The following ST8SIA1 variants were observed in gnomAD, a reference collection of about 807,000 sequenced individuals.
ST8SIA1 encodes the protein alpha-N-acetylneuraminide alpha-2,8-sialyltransferase.
A neutral mutation model predicts 35.9 loss-of-function variants in ST8SIA1; 16 were observed. That is an observed-to-expected ratio of 0.45 (90% CI 0.30 to 0.68). The LOEUF (loss-of-function observed/expected upper bound fraction) is 0.68. ST8SIA1 is among the 30% of genes least tolerant of loss of function. ST8SIA1 has a pLI of 0.09. For synonymous variants in ST8SIA1, 170 were observed against 169.6 expected (o/e 1.00, Z -0.02); for missense variants, 383 against 453.6 (o/e 0.84, Z 1.41).
intron 1 of ST8SIA1, among the ~76,000 whole-genome samples, chr12:22,307,749 C>T (rs1223164651): frequency 6.6e-6 from 1 of 152,100 alleles, no homozygotes; most frequent in African/African-American, 2.4e-5. Flanking sequence ...CTGCTATTTT[C>T]TTCTCTTCCA....
intron 4 of ST8SIA1, among the ~76,000 whole-genome samples, chr12:22,208,495 C>G (rs1490248148): frequency 6.6e-6 from 1 of 151,934 alleles, no homozygotes; most frequent in Non-Finnish European, 1.5e-5. Flanking sequence ...TTGAAATAAG[C>G]CTAAAAATAA....
At chr12:22,208,069 G>A (rs1029985500) in intron 4 of ST8SIA1, among the ~76,000 whole-genome samples, 6 of 151,592 alleles carry the variant, frequency 4.0e-5, no homozygotes, top group Middle Eastern at 3.2e-3. Context: ...GAACCCAGGA[G>A]GTGGAGGTTG....
intron 4 of ST8SIA1, among the ~76,000 whole-genome samples, chr12:22,222,379 G>T (rs371125136): frequency 1.3e-5 from 2 of 152,154 alleles, no homozygotes; most frequent in African/African-American, 4.8e-5. Flanking sequence ...TGCTCTACTC[G>T]AGTATTTTTA....
intron 4 of ST8SIA1, among the ~76,000 whole-genome samples, chr12:22,216,721 T>C (rs1865237202): frequency 6.6e-6 from 1 of 152,196 alleles, no homozygotes; most frequent in Non-Finnish European, 1.5e-5. Flanking sequence ...ATGCTATGCC[T>C]GACATAATGC....
chr12:22,244,801 A>G (rs1035743282), intron 4 of ST8SIA1, among the ~76,000 whole-genome samples: 1 of 152,188 alleles, frequency 6.6e-6, no homozygotes, highest in African/African-American at 2.4e-5. Context: ...GGTATAAGTT[A>G]TGAGGTAGAG....
chr12:22,318,926 C>T (rs922180721), intron 1 of ST8SIA1, among the ~76,000 whole-genome samples: 1 of 152,098 alleles, frequency 6.6e-6, no homozygotes, highest in African/African-American at 2.4e-5. Flanking sequence ...ACTATGTAAC[C>T]CTAACCAAGG....
intron 4 of ST8SIA1, among the ~76,000 whole-genome samples, chr12:22,235,235 T>C (rs1178283193): frequency 3.3e-5 from 5 of 152,220 alleles, no homozygotes; most frequent in Non-Finnish European, 7.3e-5. Flanking sequence ...CAGATATGTT[T>C]TTATAATTCC....
At chr12:22,246,633 A>C (rs1322737764) in intron 4 of ST8SIA1, among the ~76,000 whole-genome samples, 1 of 151,730 alleles carries the variant, frequency 6.6e-6, no homozygotes, top group Non-Finnish European at 1.5e-5. Flanking sequence ...TAGTGTGAGA[A>C]CAGAGGAAAA....
intron 1 of ST8SIA1, among the ~76,000 whole-genome samples, chr12:22,296,627 A>G (rs1364262840): frequency 1.3e-5 from 2 of 152,184 alleles, no homozygotes; most frequent in Non-Finnish European, 1.5e-5. Flanking sequence ...ATCTTTATGA[A>G]TAAAATTCTG....
Position 22,234,216 on chromosome 12 carries a change from C to T in ST8SIA1, c.584+14790G>A, listed in dbSNP as rs974412746. ...CAGAGGTTACAGTGAGCTGAGATCGCACCACTGCACTCCAGCCTGAGTGAC... is the reference window on the plus strand; with the variant it reads ...CAGAGGTTACAGTGAGCTGAGATCGTACCACTGCACTCCAGCCTGAGTGAC... On this transcript the variant is annotated intron_variant, in intron 4 of 4. Transcript: ENST00000396037. 4.0e-5 allele frequency among the ~76,000 whole-genome samples: 6 copies of T among 149,906 alleles called. 1 individual carries two copies. In the South Asian group the frequency reaches 1.3e-3, roughly 32 times the overall value.
intron 2 of ST8SIA1, among the ~76,000 whole-genome samples, chr12:22,256,926 T>C (rs1434797122): frequency 1.3e-5 from 2 of 152,168 alleles, no homozygotes; most frequent in Admixed American, 6.5e-5. Context: ...GTTAGAGCTA[T>C]AATTTGTCAG....
intron 2 of ST8SIA1, among the ~76,000 whole-genome samples, chr12:22,263,532 T>C (rs1865815356): frequency 6.6e-6 from 1 of 152,248 alleles, no homozygotes; most frequent in African/African-American, 2.4e-5. Context: ...TTGATTTTGT[T>C]ACACATTTAT....
chr12:22,301,393 G>C (rs1241310248), intron 1 of ST8SIA1, among the ~76,000 whole-genome samples: 2 of 151,068 alleles, frequency 1.3e-5, no homozygotes, highest in East Asian at 3.9e-4. Flanking sequence ...TTAAAATGTT[G>C]CTGATCCTTT....
At chr12:22,242,169 T>C (rs1381946952) in intron 4 of ST8SIA1, among the ~76,000 whole-genome samples, 1 of 152,064 alleles carries the variant, frequency 6.6e-6, no homozygotes, top group Admixed American at 6.5e-5. Flanking sequence ...TTAGAAGAAA[T>C]AGAAAGGAGC....
chr12:22,210,349 T>C (rs1865162987), intron 4 of ST8SIA1, among the ~76,000 whole-genome samples: 1 of 151,912 alleles, frequency 6.6e-6, no homozygotes, highest in South Asian at 2.1e-4. Context: ...GGTATGGAGG[T>C]AGTGGTAAGG....
At chr12:22,225,427 G>C (rs947164906) in intron 4 of ST8SIA1, among the ~76,000 whole-genome samples, 1 of 152,054 alleles carries the variant, frequency 6.6e-6, no homozygotes, top group African/African-American at 2.4e-5. Flanking sequence ...TCCTATTAAA[G>C]TAAATTAAAA....
intron 2 of ST8SIA1, among the ~76,000 whole-genome samples, chr12:22,264,942 C>T (rs572388964): frequency 2.0e-5 from 3 of 152,116 alleles, no homozygotes; most frequent in South Asian, 4.1e-4. Context: ...TGCTATTTGC[C>T]TATTAAAATT....
intron 4 of ST8SIA1, among the ~76,000 whole-genome samples, chr12:22,205,540 T>C (rs1452894596): frequency 6.6e-6 from 1 of 152,176 alleles, no homozygotes; most frequent in Non-Finnish European, 1.5e-5. Flanking sequence ...TTGAGATAGT[T>C]AGCTAACAAT....
At chr12:22,212,936 A>G (rs1173415983) in intron 4 of ST8SIA1, among the ~76,000 whole-genome samples, 1 of 152,144 alleles carries the variant, frequency 6.6e-6, no homozygotes, top group African/African-American at 2.4e-5. Context: ...AACTTTCTCA[A>G]TTGCTCCTGT....
Sources: allele counts gnomAD v4.1 joint callset (sites outside exome capture counted in the v4.1 genomes callset), GRCh38; gene constraint gnomAD v4.1.1; transcripts MANE v1.5; gene names NCBI Gene and HGNC (gene_info 2026-07-23, HGNC 2026-07-21).